The following ERG variants were observed in gnomAD, a reference collection of about 807,000 sequenced individuals.
ERG encodes ETS transcription factor ERG, also known as transcriptional regulator ERG.
Under a neutral mutation model 55.3 loss-of-function variants are expected in ERG, and 9 were observed. The ratio of observed to expected loss-of-function variants is 0.16; its 90% CI spans 0.10 to 0.28. The LOEUF (loss-of-function observed/expected upper bound fraction) is 0.28. ERG is among the 10% of genes least tolerant of loss of function. The pLI is 1.00. For synonymous variants in ERG, 223 were observed against 237.3 expected (o/e 0.94, Z 0.55); for missense variants, 434 against 631.6 (o/e 0.69, Z 3.35).
chr21:38,373,717 A>G, the ERG span, among the ~76,000 whole-genome samples: 1 of 152,216 alleles, frequency 6.6e-6, no homozygotes, highest in Non-Finnish European at 1.5e-5. Flanking sequence ...CTACAAAGTC[A>G]GGGCCTGTGT....
chr21:38,585,523 C>A (rs998438264), upstream of ERG, among the ~76,000 whole-genome samples: 1 of 49,718 alleles, frequency 2.0e-5, no homozygotes, highest in African/African-American at 5.5e-5. Flanking sequence ...TCCAGTCCCT[C>A]TCTCTCTTCT....
rs117352925 is a variant in ERG at position 38,598,743 on chromosome 21, G to C, written c.-149-13798C>G. Among the ~76,000 whole-genome samples, 338 of 152,288 alleles carry C rather than the reference G, an allele frequency of 2.2e-3. 5 individuals carry two copies. In the East Asian group the frequency reaches 0.055, roughly 25 times the overall value. Reference sequence around the variant, plus strand: ...CAATGCTGAGTATACAGCTCCCACAGTCGCAGAGGGGAGCAGGGTGGATGT... The same window carrying C: ...CAATGCTGAGTATACAGCTCCCACACTCGCAGAGGGGAGCAGGGTGGATGT... On this transcript the variant is annotated intron_variant, in intron 1 of 10. Transcript: ENST00000398910.
At position 38,382,675 on chromosome 21, in the gene ERG, T is replaced by C. The variant is rs1185288155; in HGVS notation, c.*728A>G. The stretch of plus-strand genomic sequence containing the variant: ...TCTTTCCCAGCCCTGGTCTCCTCCT[T>C]CTCTGCCTCTTCCTCCTCCTTCTTC... On this transcript the variant is annotated 3_prime_UTR_variant, in exon 10 of 10. Coordinates refer to ENST00000288319, the MANE Select transcript of ERG (RefSeq NM_182918.4). 8.4e-6 allele frequency: 9 copies of C among 1,067,078 alleles called. No individual in the cohort carries two copies. In the South Asian group the frequency reaches 4.1e-4, roughly 49 times the overall value. 66.1% of individuals were successfully genotyped at this position (1,067,078 alleles called of 1,614,324 possible). A position where few individuals can be genotyped will look rare whatever the true frequency, so the allele number is the denominator to read the frequency against.
chr21:38,382,651 C>T lies in ERG; in HGVS notation c.*752G>A. ...CCAGTCTTCATTGCTTGAGAAGTTT[C>T]TTTCCCAGCCCTGGTCTCCTCCTTC... On this transcript the variant is annotated 3_prime_UTR_variant, in exon 10 of 10. Coordinates refer to ENST00000288319, the MANE Select transcript of ERG (RefSeq NM_182918.4). 1 of 1,066,964 alleles carries T rather than the reference C, an allele frequency of 9.4e-7. No homozygotes were observed. Among genetic ancestry groups the T allele is most frequent in the Non-Finnish European group, 1.1e-6 (1 of 880,096 alleles). The allele number at this position is 1,066,964 out of a possible 1,614,324, so 66.1% of individuals were successfully genotyped here.
chr21:38,639,150 A>G (rs1297032925), intron 1 of ERG, among the ~76,000 whole-genome samples: 1 of 152,182 alleles, frequency 6.6e-6, no homozygotes, highest in Non-Finnish European at 1.5e-5. Context: ...CCCCAATGAC[A>G]TAGTCAGGTG....
At chr21:38,539,791 T>C (rs2059738656) in intron 2 of ERG, among the ~76,000 whole-genome samples, 1 of 152,070 alleles carries the variant, frequency 6.6e-6, no homozygotes. Context: ...ACAGCACGTA[T>C]ACCCATGCTC....
At chr21:38,600,152 G>A (rs2060155784) in intron 1 of ERG, among the ~76,000 whole-genome samples, 1 of 152,176 alleles carries the variant, frequency 6.6e-6, no homozygotes, top group Admixed American at 6.6e-5. Context: ...ACAGATACAA[G>A]GAGATCCAAA....
At chr21:38,655,875 C>A (rs780203228) in intron 1 of ERG, among the ~76,000 whole-genome samples, 3 of 152,172 alleles carry the variant, frequency 2.0e-5, no homozygotes, top group African/African-American at 7.2e-5. Context: ...AGCTCTGCCC[C>A]CTCAAATTAT....
intron 2 of ERG, among the ~76,000 whole-genome samples, chr21:38,554,828 AG>A (rs1408170434): frequency 6.6e-6 from 1 of 151,542 alleles, no homozygotes; most frequent in East Asian, 1.9e-4. Flanking sequence ...CTAAAATAAA[AG>A]TTAGAAAGGA....
At chr21:38,649,931 G>A (rs971026307) in intron 1 of ERG, among the ~76,000 whole-genome samples, 7 of 152,238 alleles carry the variant, frequency 4.6e-5, no homozygotes, top group African/African-American at 1.7e-4. Context: ...ACACAGTCAT[G>A]CTCCTTGGTC....
chr21:38,420,433 A>T (rs886296733), intron 3 of ERG, among the ~76,000 whole-genome samples: 18 of 152,214 alleles, frequency 1.2e-4, no homozygotes, highest in African/African-American at 4.3e-4. Context: ...TATTAACTGA[A>T]TAACTGCCTA....
intron 1 of ERG, among the ~76,000 whole-genome samples, chr21:38,648,744 G>A (rs2060471642): frequency 6.6e-6 from 1 of 152,192 alleles, no homozygotes; most frequent in African/African-American, 2.4e-5. Flanking sequence ...AAATTTCCAT[G>A]AAAACCAGAC....
At chr21:38,392,554 A>G in intron 6 of ERG, 110 bp from the exon 7 acceptor site, 2 of 744,488 alleles carry the variant, frequency 2.7e-6, no homozygotes, top group South Asian at 2.5e-5. Context: ...GTGCAAAAAA[A>G]TCTGGTAATC....
At chr21:38,629,916 C>T (rs2060347212) in intron 1 of ERG, among the ~76,000 whole-genome samples, 1 of 152,132 alleles carries the variant, frequency 6.6e-6, no homozygotes, top group South Asian at 2.1e-4. Context: ...GCATATTACT[C>T]AGCCTTAAAA....
chr21:38,416,162 T>G (rs1989269193), intron 3 of ERG, among the ~76,000 whole-genome samples: 1 of 152,228 alleles, frequency 6.6e-6, no homozygotes, highest in Admixed American at 6.5e-5. Context: ...GAAATCAGAC[T>G]GCCAAAGACT....
intron 2 of ERG, among the ~76,000 whole-genome samples, chr21:38,434,072 AC>A (rs1230913060): frequency 6.6e-6 from 1 of 151,188 alleles, no homozygotes; most frequent in Non-Finnish European, 1.5e-5. Context: ...GTCCAACCTA[AC>A]CCCCATCATG....
chr21:38,571,343 T>C (rs1488885321), intron 2 of ERG, among the ~76,000 whole-genome samples: 1 of 151,172 alleles, frequency 6.6e-6, no homozygotes, highest in Non-Finnish European at 1.5e-5. Context: ...AGACCTTGTC[T>C]CTACAAAAAA....
intron 3 of ERG, among the ~76,000 whole-genome samples, chr21:38,409,036 A>C (rs1041379964): frequency 2.0e-5 from 3 of 152,202 alleles, no homozygotes; most frequent in Non-Finnish European, 4.4e-5. Flanking sequence ...ATAAGAACTA[A>C]GATAGATTTA....
chr21:38,437,794 A>C (rs1421787793), intron 2 of ERG, among the ~76,000 whole-genome samples: 1 of 151,250 alleles, frequency 6.6e-6, no homozygotes, highest in African/African-American at 2.4e-5. Context: ...TGCCTCTCCC[A>C]CCCTCCCTTG....
Sources: allele counts gnomAD v4.1 joint callset (sites outside exome capture counted in the v4.1 genomes callset), GRCh38; gene constraint gnomAD v4.1.1; transcripts MANE v1.5; gene names NCBI Gene and HGNC (gene_info 2026-07-23, HGNC 2026-07-21).